CCSER1: variants seen among roughly 807,000 people sequenced by gnomAD.
CCSER1 encodes the protein coiled-coil serine rich protein 1, also known as serine-rich coiled-coil domain-containing protein 1.
In CCSER1, 41 loss-of-function variants were observed where a neutral mutation model predicts 82.0. The ratio of observed to expected loss-of-function variants is 0.50; its 90% confidence interval spans 0.39 to 0.65. CCSER1 has a LOEUF of 0.65. Ranked by LOEUF, CCSER1 falls within the 30% of genes least tolerant of loss-of-function variation. The pLI is 0.00. For missense variants in CCSER1, 1,119 were observed against 1,064.2 expected (o/e 1.05, Z -0.72); for synonymous variants, 414 against 383.9 (o/e 1.08, Z -0.92).
At chr4:90,428,488 G>T (rs930540836) in intron 4 of CCSER1, among the ~76,000 whole-genome samples, 2 of 151,828 alleles carry the variant, frequency 1.3e-5, no homozygotes, top group East Asian at 1.9e-4. Context: ...CATGTATTTG[G>T]TATGTTAAGT....
At chr4:90,265,513 G>T (rs1013426643) in intron 1 of CCSER1, among the ~76,000 whole-genome samples, 6 of 151,748 alleles carry the variant, frequency 4.0e-5, no homozygotes, top group Non-Finnish European at 7.4e-5. Flanking sequence ...CATTAAAATA[G>T]TCTTAAAGAT....
At chr4:90,707,429 A>T (rs1739574616) in intron 6 of CCSER1, among the ~76,000 whole-genome samples, 1 of 151,892 alleles carries the variant, frequency 6.6e-6, no homozygotes, top group Non-Finnish European at 1.5e-5. Context: ...AAATTCCTAC[A>T]GAATCTGTTT....
chr4:90,691,553 C>A (rs975671983), intron 6 of CCSER1, among the ~76,000 whole-genome samples: 3 of 131,288 alleles, frequency 2.3e-5, no homozygotes, highest in African/African-American at 2.6e-5. Context: ...GTGTACATAT[C>A]ACATGTGTGT....
At chr4:91,588,168 TTTTCTC>T (rs1764097887) in intron 10 of CCSER1, among the ~76,000 whole-genome samples, 1 of 151,532 alleles carries the variant, frequency 6.6e-6, no homozygotes, top group Non-Finnish European at 1.5e-5. Flanking sequence ...GGCCCATCTG[TTTTCTC>T]TTTGTTAGCA....
At chr4:90,551,177 T>C (rs1777432356) in intron 5 of CCSER1, among the ~76,000 whole-genome samples, 1 of 152,160 alleles carries the variant, frequency 6.6e-6, no homozygotes, top group Non-Finnish European at 1.5e-5. Context: ...TGGCTTTCTA[T>C]TTCTGGGAAT....
At chr4:91,342,072 G>T (rs974571278) in intron 10 of CCSER1, among the ~76,000 whole-genome samples, 5 of 152,118 alleles carry the variant, frequency 3.3e-5, no homozygotes, top group African/African-American at 1.2e-4. Flanking sequence ...CTGTTTTGCT[G>T]CATAAAAGTG....
rs547246264 is a variant in CCSER1, at chr4:90,540,605, G to C, written c.1724+72251G>C. Among the ~76,000 whole-genome samples the C allele has an allele frequency of 2.6e-5, 4 of 152,088 alleles. No homozygotes were observed. In the South Asian group the frequency reaches 8.3e-4, roughly 32 times the overall value. On this transcript the variant is annotated intron_variant, in intron 5 of 10. Coordinates refer to ENST00000509176, the MANE Select transcript of CCSER1 (RefSeq NM_001145065.2). The stretch of plus-strand genomic sequence containing the variant: ...TGAGAGAAAATGCCCATGGAGAAGA[G>C]ACCAAAGAAAGCCACTTCCACTTAA...
At chr4:91,500,870 T>G (rs1759172155) in intron 10 of CCSER1, among the ~76,000 whole-genome samples, 1 of 152,022 alleles carries the variant, frequency 6.6e-6, no homozygotes, top group African/African-American at 2.4e-5. Context: ...TTAAATGAAT[T>G]AATGTATGTT....
intron 9 of CCSER1, among the ~76,000 whole-genome samples, chr4:90,990,200 C>A (rs1175773202): frequency 2.0e-5 from 3 of 151,846 alleles, no homozygotes; most frequent in Non-Finnish European, 4.4e-5. Flanking sequence ...AGCATAATAT[C>A]TCCCAAGTTT....
chr4:90,642,875 A>G (rs867134375), intron 6 of CCSER1, among the ~76,000 whole-genome samples: 14 of 144,234 alleles, frequency 9.7e-5, no homozygotes, highest in Admixed American at 3.5e-4. Flanking sequence ...ACATACATAC[A>G]TACATGCATT....
At chr4:90,520,868 T>C (rs1005401668) in intron 5 of CCSER1, among the ~76,000 whole-genome samples, 12 of 152,154 alleles carry the variant, frequency 7.9e-5, no homozygotes, top group Non-Finnish European at 1.5e-5. Context: ...AGCACAGGAA[T>C]TTGAGGTCAG....
intron 10 of CCSER1, among the ~76,000 whole-genome samples, chr4:91,401,008 T>C (rs779341541): frequency 1.6e-4 from 24 of 152,014 alleles, no homozygotes; most frequent in Non-Finnish European, 3.1e-4. Context: ...TTTATAGTTA[T>C]TTACATTTCT....
At chr4:91,013,550 T>TA (rs1561470573) in intron 9 of CCSER1, among the ~76,000 whole-genome samples, 1 of 130,800 alleles carries the variant, frequency 7.6e-6, no homozygotes, top group Non-Finnish European at 1.8e-5. Context: ...ATATATATAT[T>TA]TTTTTGCTAG....
intron 10 of CCSER1, among the ~76,000 whole-genome samples, chr4:91,419,066 G>C (rs1188822552): frequency 6.6e-6 from 1 of 151,778 alleles, no homozygotes; most frequent in Non-Finnish European, 1.5e-5. Context: ...AACAAATTAG[G>C]TATAAAACAA....
intron 7 of CCSER1, among the ~76,000 whole-genome samples, chr4:90,791,667 A>G (rs143111435): frequency 0.059 from 8,949 of 152,088 alleles, 428 homozygotes; most frequent in East Asian, 0.24. Context: ...TGGCTAACAC[A>G]GTGAAACCCC....
At chr4:91,466,563 T>C in intron 10 of CCSER1, among the ~76,000 whole-genome samples, 1 of 152,280 alleles carries the variant, frequency 6.6e-6, no homozygotes, top group East Asian at 1.9e-4. Context: ...GAAGTCAAAT[T>C]GTCCCTCTTT....
At chr4:91,435,732 C>A (rs886722587) in intron 10 of CCSER1, among the ~76,000 whole-genome samples, 1 of 152,026 alleles carries the variant, frequency 6.6e-6, no homozygotes, top group Non-Finnish European at 1.5e-5. Flanking sequence ...GTATTTATAC[C>A]ATTTAAAGCT....
At position 91,380,692 on chromosome 4, in the gene CCSER1, C is replaced by G. The variant is rs147461024; in HGVS notation, c.2218-217880C>G. Among the ~76,000 whole-genome samples the G allele has an allele frequency of 4.2e-3, 641 of 152,258 alleles. 9 individuals are homozygous for G. The highest frequency in any genetic ancestry group is 0.014 in the African/African-American group (592 of 41,544). On this transcript the variant is annotated intron_variant, in intron 10 of 10. Transcript: ENST00000509176. ...TACAGCACACTGATGGGTCTTGACT[C>G]TTTATCTGATTTGCCAGTGTGTGTC...
intron 8 of CCSER1, among the ~76,000 whole-genome samples, chr4:90,861,765 T>C (rs1225596137): frequency 1.3e-5 from 2 of 151,700 alleles, no homozygotes; most frequent in East Asian, 1.9e-4. Context: ...ATTTGACCCT[T>C]ACAAAATCTG....
Sources: gnomAD v4.1 joint callset for allele counts (sites outside exome capture counted in the v4.1 genomes callset) on GRCh38, gnomAD v4.1.1 for gene constraint, MANE v1.5 for transcripts, NCBI Gene and HGNC (gene_info 2026-07-23, HGNC 2026-07-21) for gene names.